Variants in KCNG2 observed in about 807,000 individuals in gnomAD.
The protein encoded by KCNG2 is voltage-gated potassium channel regulatory subunit KCNG2.
A neutral mutation model predicts 12.3 loss-of-function variants in KCNG2; 7 were observed. The ratio of observed to expected loss-of-function variants is 0.57; its 90% CI spans 0.32 to 1.07. The LOEUF is 1.07. Among genes scored for constraint, KCNG2 ranks in the 50% least tolerant of loss-of-function variants. The pLI is 0.04. For synonymous variants in KCNG2, 414 were observed against 351.4 expected, an observed-to-expected ratio of 1.18 and a Z score of -1.99; for missense variants, 703 against 726.0, an observed-to-expected ratio of 0.97 and a Z score of 0.36.
chr18:79,798,228 C>G (rs4021230), intron 1 of KCNG2, among the ~76,000 whole-genome samples: 81,489 of 144,652 alleles, frequency 0.56, 22,503 homozygotes, highest in South Asian at 0.67. Flanking sequence ...GGCTCGGGGC[C>G]GGGCGGGGCT....
intron 3 of KCNG2, among the ~76,000 whole-genome samples, chr18:79,891,413 T>C (rs768952766): frequency 2.0e-5 from 3 of 152,080 alleles, no homozygotes; most frequent in Admixed American, 1.3e-4. Flanking sequence ...GTATGTCTCG[T>C]AGAGATGGGG....
At chr18:79,897,101 G>GAT (rs1260138742) in intron 3 of KCNG2, among the ~76,000 whole-genome samples, 1 of 149,524 alleles carries the variant, frequency 6.7e-6, no homozygotes, top group Non-Finnish European at 1.5e-5. Flanking sequence ...GAGCTTCCTG[G>GAT]ATATGTAGGT....
rs572092025 is a variant in KCNG2, at chr18:79,823,810, G to A, written c.-115+25796G>A. 3.3e-5 allele frequency among the ~76,000 whole-genome samples: 5 copies of A among 152,242 alleles called. No individual in the cohort carries two copies. In the South Asian group the frequency reaches 1.0e-3, roughly 32 times the overall value. On this transcript the variant is annotated intron_variant, in intron 1 of 3. Transcript: ENST00000316249. Reference sequence around the variant, plus strand: ...TACCCTGTTTTACTGGGATTGAGTGGAACTGATGAGCTAACACCAAGAGGA... The same window carrying A: ...TACCCTGTTTTACTGGGATTGAGTGAAACTGATGAGCTAACACCAAGAGGA...
intron 2 of KCNG2, among the ~76,000 whole-genome samples, chr18:79,859,642 A>C (rs1463719909): frequency 6.6e-6 from 1 of 152,208 alleles, no homozygotes; most frequent in Non-Finnish European, 1.5e-5. Context: ...AAATTCCAAT[A>C]TAAGATTTGG....
At chr18:79,815,522 A>G (rs1332288668) in intron 1 of KCNG2, among the ~76,000 whole-genome samples, 1 of 152,100 alleles carries the variant, frequency 6.6e-6, no homozygotes, top group Non-Finnish European at 1.5e-5. Flanking sequence ...AGCGGAATCA[A>G]AGAAGAATCA....
chr18:79,858,705 T>A (rs536516382), intron 2 of KCNG2, among the ~76,000 whole-genome samples: 3 of 152,172 alleles, frequency 2.0e-5, no homozygotes, highest in Non-Finnish European at 4.4e-5. Flanking sequence ...GGGGTCCAAT[T>A]TTTCCACATC....
intron 1 of KCNG2, among the ~76,000 whole-genome samples, chr18:79,799,501 T>C (rs147143181): frequency 5.3e-4 from 81 of 152,340 alleles, no homozygotes; most frequent in African/African-American, 1.7e-3. Flanking sequence ...TCACCTTAGA[T>C]GTCACATTCT....
At chr18:79,801,683 G>T (rs1599359537) in intron 1 of KCNG2, among the ~76,000 whole-genome samples, 1 of 152,260 alleles carries the variant, frequency 6.6e-6, no homozygotes, top group Non-Finnish European at 1.5e-5. Flanking sequence ...CCTTCAGGCT[G>T]ATCTGAATGT....
intron 1 of KCNG2, among the ~76,000 whole-genome samples, chr18:79,820,892 C>G (rs1453036389): frequency 1.3e-5 from 2 of 152,196 alleles, no homozygotes; most frequent in Non-Finnish European, 2.9e-5. Context: ...AAGTGATCCT[C>G]CCACCTCAGC....
At chr18:79,827,367 C>A (rs1429372960) in intron 1 of KCNG2, among the ~76,000 whole-genome samples, 2 of 152,230 alleles carry the variant, frequency 1.3e-5, no homozygotes, top group Non-Finnish European at 2.9e-5. Context: ...CTAAAGAGTT[C>A]TGTTCCTTGG....
At chr18:79,848,412 G>C (rs373879202) in intron 1 of KCNG2, among the ~76,000 whole-genome samples, 2 of 152,298 alleles carry the variant, frequency 1.3e-5, no homozygotes, top group East Asian at 1.9e-4. Context: ...GTTGCCGCTC[G>C]GGCTCCTGCA....
chr18:79,888,520 G>A (rs181647904), intron 3 of KCNG2, among the ~76,000 whole-genome samples: 2 of 143,030 alleles, frequency 1.4e-5, no homozygotes, highest in African/African-American at 5.6e-5. Context: ...GGGCCGGGAC[G>A]GCGGCGTCCT....
At chr18:79,847,596 T>C (rs1247441110) in intron 1 of KCNG2, among the ~76,000 whole-genome samples, 4 of 152,226 alleles carry the variant, frequency 2.6e-5, no homozygotes, top group African/African-American at 7.2e-5. Context: ...ATGTATGTAA[T>C]AAGCATGTAC....
intron 1 of KCNG2, among the ~76,000 whole-genome samples, chr18:79,842,691 A>C (rs962159009): frequency 6.6e-6 from 1 of 152,270 alleles, no homozygotes; most frequent in African/African-American, 2.4e-5. Flanking sequence ...ACCCAAACAG[A>C]AATTCTGGAG....
Position 79,836,332 on chromosome 18 carries a change from A to G in KCNG2, c.-114-20047A>G, listed in dbSNP as rs186019956. Among the ~76,000 whole-genome samples, 320 of 152,342 alleles carry G rather than the reference A, an allele frequency of 2.1e-3. 2 individuals are homozygous for G. The Middle Eastern group carries it at 0.031, about 15-fold the overall frequency. On this transcript the variant is annotated intron_variant, in intron 1 of 3. Coordinates refer to ENST00000316249, the MANE Select transcript of KCNG2 (RefSeq NM_012283.2). ...GGATCTAAGAGGACATAGCAATTCT[A>G]ATGTATATGCACAAACAACAGAGCT...
chr18:79,832,497 A>T (rs1978302089), intron 1 of KCNG2, among the ~76,000 whole-genome samples: 1 of 151,504 alleles, frequency 6.6e-6, no homozygotes, highest in African/African-American at 2.4e-5. Flanking sequence ...GCCCTTCCTC[A>T]CCTGCCCAGG....
intron 2 of KCNG2, among the ~76,000 whole-genome samples, chr18:79,856,904 G>C (rs970714526): frequency 6.6e-6 from 1 of 151,650 alleles, no homozygotes; most frequent in Non-Finnish European, 1.5e-5. Flanking sequence ...CGCTTGACTT[G>C]TAGGGCTCGG....
At chr18:79,866,478 T>C (rs1230397677) in intron 3 of KCNG2, among the ~76,000 whole-genome samples, 1 of 99,440 alleles carries the variant, frequency 1.0e-5, no homozygotes, top group African/African-American at 4.0e-5. Context: ...GTCTGGGTGC[T>C]GAGGTCTGTG....
intron 1 of KCNG2, among the ~76,000 whole-genome samples, chr18:79,814,290 C>A (rs1031227894): frequency 6.6e-6 from 1 of 152,166 alleles, no homozygotes; most frequent in African/African-American, 2.4e-5. Context: ...CACATAAAAA[C>A]CTAGACACAA....
Sources: gnomAD v4.1 joint callset for allele counts (sites outside exome capture counted in the v4.1 genomes callset) on GRCh38, gnomAD v4.1.1 for gene constraint, MANE v1.5 for transcripts, NCBI Gene and HGNC (gene_info 2026-07-23, HGNC 2026-07-21) for gene names.